Variants in CCM2L observed in about 807,000 individuals in gnomAD.
CCM2L encodes CCM2 like scaffold protein.
In CCM2L, 36 loss-of-function variants were observed where a neutral mutation model predicts 54.1. That is an observed-to-expected ratio of 0.67 (90% confidence interval 0.51 to 0.88). The LOEUF (loss-of-function observed/expected upper bound fraction) is 0.88. CCM2L is among the 40% of genes least tolerant of loss of function. The probability of loss-of-function intolerance (pLI) is 0.00; values close to 1 mark genes in which losing one functional copy is unlikely to be tolerated. For missense variants in CCM2L, 700 were observed against 812.1 expected (o/e 0.86, Z 1.68); for synonymous variants, 351 against 359.3 (o/e 0.98, Z 0.26).
At chr20:32,029,678 T>C in intron 8 of CCM2L, 22 bp from the exon 9 acceptor site, 1 of 1,584,384 alleles carries the variant, frequency 6.3e-7, no homozygotes, top group Non-Finnish European at 8.6e-7. Flanking sequence ...GGGATTGATC[T>C]CGAATGGTGT....
At chr20:32,020,682 G>A (rs1455818149) in intron 5 of CCM2L, among the ~76,000 whole-genome samples, 2 of 152,154 alleles carry the variant, frequency 1.3e-5, no homozygotes, top group Non-Finnish European at 2.9e-5. Context: ...TATCCACTCT[G>A]TCAATAAATC....
Position 32,014,900 on chromosome 20 carries a change from C to T in CCM2L, c.31-4C>T. 2.5e-6 allele frequency: 4 copies of T among 1,596,774 alleles called. No homozygotes were observed. The highest frequency in any genetic ancestry group is 2.4e-5 in the East Asian group (1 of 42,108). On this transcript the variant is annotated splice_polypyrimidine_tract_variant and splice_region_variant and intron_variant, in intron 1 of 9. Transcript: ENST00000452892. Reference sequence around the variant, plus strand: ...ATCACTCTCATTCCTCCTCTCCTCCCCAGGGCTTTGTATCCCCCATCCGAA... The same window carrying T: ...ATCACTCTCATTCCTCCTCTCCTCCTCAGGGCTTTGTATCCCCCATCCGAA...
chr20:32,023,809 G>A (rs182294906), intron 6 of CCM2L, among the ~76,000 whole-genome samples: 1 of 152,336 alleles, frequency 6.6e-6, no homozygotes, highest in African/African-American at 2.4e-5. Flanking sequence ...TCGGCTCATT[G>A]CAACCTCTGC....
intron 5 of CCM2L, 29 bp downstream of exon 5, chr20:32,019,438 G>A (rs1254198824): frequency 6.9e-7 from 1 of 1,449,752 alleles, no homozygotes; most frequent in East Asian, 2.9e-5. Context: ...TGCTCCCAAA[G>A]CCCGGCTTCG....
chr20:32,019,327 AC>A lies in CCM2L; in HGVS notation c.855del (p.Gly286AlafsTer23). 1.4e-6 allele frequency: 2 copies of A among 1,383,638 alleles called. No homozygotes were observed. Among genetic ancestry groups the A allele is most frequent in the South Asian group, 1.6e-5 (1 of 61,998 alleles). The allele number at this position is 1,383,638 out of a possible 1,614,324, so 85.7% of individuals were successfully genotyped here. A position where few individuals can be genotyped will look rare whatever the true frequency, so the allele number is the denominator to read the frequency against. On this transcript the variant is annotated frameshift_variant, in exon 5 of 10. Transcript: ENST00000452892. LOFTEE classifies it high-confidence loss of function. Reference protein sequence around the residue: ...SGGGGSWERRHPGPNPLDPQD... With the variant: ...SGGGGSWERRXPGPNPLDPQD... ...GGGGGAGGCAGCTGGGAGCGGCGCC[AC>A]CCCGGCCCCAACCCGCTCGACCCGC...
Position 32,025,568 on chromosome 20 carries a change from CT to C in CCM2L, c.1070-279del, listed in dbSNP as rs367763815. 3.3e-5 allele frequency among the ~76,000 whole-genome samples: 5 copies of C among 151,268 alleles called. No individual in the cohort carries two copies. In the East Asian group the frequency reaches 7.8e-4, roughly 23 times the overall value. ...AGGCGTGAGCCACAAATTTTTTTTTCTTTTTTTTTGTCTTGCCTGAAACACA... is the reference window on the plus strand; with the variant it reads ...AGGCGTGAGCCACAAATTTTTTTTTCTTTTTTTTGTCTTGCCTGAAACACA... On this transcript the variant is annotated intron_variant, in intron 6 of 9. Transcript: ENST00000452892.
At chr20:32,016,659 C>G (rs774191306) in intron 2 of CCM2L, among the ~76,000 whole-genome samples, 13 of 152,088 alleles carry the variant, frequency 8.5e-5, no homozygotes, top group East Asian at 3.9e-4. Flanking sequence ...CCAGCCCCCC[C>G]ACGCCCGCCA....
intron 1 of CCM2L, among the ~76,000 whole-genome samples, chr20:32,014,261 ATT>A (rs5841095): frequency 0.086 from 11,403 of 131,834 alleles, 492 homozygotes; most frequent in African/African-American, 0.14. Context: ...ATATATATAT[ATT>A]TTTTTTTTTT....
chr20:32,011,183 G>T (rs2064691905), intron 1 of CCM2L, among the ~76,000 whole-genome samples: 1 of 148,278 alleles, frequency 6.7e-6, no homozygotes, highest in Non-Finnish European at 1.5e-5. Context: ...GAATCACAGA[G>T]GGCTCAGAAG....
intron 6 of CCM2L, among the ~76,000 whole-genome samples, chr20:32,023,070 C>T (rs1375776658): frequency 1.3e-5 from 2 of 152,166 alleles, no homozygotes; most frequent in African/African-American, 4.8e-5. Flanking sequence ...TGGGTTCAAG[C>T]AATTCTCTGC....
rs200056991 is a variant in CCM2L at position 32,014,953 on chromosome 20, G to C, written c.80G>C (p.Arg27Pro). Residue 27 changes from arginine (R) to proline (P), a missense_variant, in exon 2 of 10, where the codon CGG becomes CCG. By Grantham distance (103) the Arg-to-Pro change is moderately radical. Coordinates refer to ENST00000452892, the MANE Select transcript of CCM2L (RefSeq NM_001365692.1). ...RRLVFPKAGRRAACRSSVSRR... is the reference protein window; with the variant it reads ...RRLVFPKAGRPAACRSSVSRR... ...CTGGTGTTCCCCAAGGCCGGGCGCC[G>C]GGCAGCCTGTAGGAGCAGCGTGAGC... 6.2e-7 allele frequency: 1 copy of C among 1,601,074 alleles called. No individual in the cohort carries two copies. The highest frequency in any genetic ancestry group is 1.1e-5 in the South Asian group (1 of 90,256).
intron 1 of CCM2L, 23 bp from the exon 2 acceptor site, chr20:32,014,881 C>G (rs750965937): frequency 6.3e-7 from 1 of 1,575,948 alleles, no homozygotes; most frequent in African/African-American, 1.4e-5. Flanking sequence ...TGTTATCACT[C>G]TCATTCCTCC....
intron 6 of CCM2L, among the ~76,000 whole-genome samples, 196 bp from the exon 7 acceptor site, chr20:32,025,660 T>TG (rs1304999330): frequency 6.6e-6 from 1 of 151,808 alleles, no homozygotes; most frequent in African/African-American, 2.4e-5. Context: ...ATGAGGTAGG[T>TG]GGGGGGTGGT....
chr20:32,019,183 G>A lies in CCM2L; in HGVS notation c.707G>A (p.Ser236Asn), dbSNP rs1163460066. ...RQRAGARASG[S>N]WERRQTFSGS... ...CGCGCCGGGGCGCGGGCGTCGGGCA[G>A]CTGGGAGCGACGGCAGACGTTCAGC... is the stretch of plus-strand genomic sequence containing the variant. The change falls in exon 5 of 10, where the codon AGC becomes AAC. Residue 236 changes from serine to asparagine, a missense_variant. Transcript: ENST00000452892. 2 of 1,131,076 alleles carry A rather than the reference G, an allele frequency of 1.8e-6. No individual in the cohort carries two copies. The highest frequency in any genetic ancestry group is 4.7e-5 in the Admixed American group (1 of 21,504). 70.1% of individuals were successfully genotyped at this position (1,131,076 alleles called of 1,614,324 possible). A position where few individuals can be genotyped will look rare whatever the true frequency, so the allele number is the denominator to read the frequency against.
Position 32,026,208 on chromosome 20 carries a change from A to G in CCM2L, c.1133+289A>G, listed in dbSNP as rs891716794. On this transcript the variant is annotated intron_variant, in intron 7 of 9. Transcript: ENST00000452892. Reference sequence around the variant, plus strand: ...AAACCAAAATCATAGCTACATGCCAAAAAAATTATCTTGGCTTAATTTTGG... The same window carrying G: ...AAACCAAAATCATAGCTACATGCCAGAAAAATTATCTTGGCTTAATTTTGG... 2.0e-5 allele frequency among the ~76,000 whole-genome samples: 3 copies of G among 152,246 alleles called. No individual in the cohort carries two copies. The East Asian group carries it at 5.8e-4, about 29-fold the overall frequency.
At chr20:32,014,130 T>C (rs1370768904) in intron 1 of CCM2L, among the ~76,000 whole-genome samples, 4 of 151,734 alleles carry the variant, frequency 2.6e-5, no homozygotes, top group Non-Finnish European at 5.9e-5. Context: ...TTATAACTTT[T>C]AGGAAAGCAC....
intron 1 of CCM2L, among the ~76,000 whole-genome samples, chr20:32,012,026 C>T (rs2064699714): frequency 6.6e-6 from 1 of 151,990 alleles, no homozygotes; most frequent in African/African-American, 2.4e-5. Context: ...GGCTCACCCT[C>T]ATCCAGCCTT....
chr20:32,020,311 C>T (rs914119342), intron 5 of CCM2L, among the ~76,000 whole-genome samples: 2 of 152,204 alleles, frequency 1.3e-5, no homozygotes, highest in East Asian at 1.9e-4. Context: ...CTGTCTCTCT[C>T]CCCTTGAAAC....
At chr20:32,014,047 C>T (rs1476232162) in intron 1 of CCM2L, among the ~76,000 whole-genome samples, 2 of 152,080 alleles carry the variant, frequency 1.3e-5, no homozygotes, top group Non-Finnish European at 1.5e-5. Context: ...CCAGAATTTA[C>T]ACCTTTAACC....
Sources: allele counts gnomAD v4.1 joint callset (sites outside exome capture counted in the v4.1 genomes callset), GRCh38; gene constraint gnomAD v4.1.1; transcripts MANE v1.5; gene names NCBI Gene and HGNC (gene_info 2026-07-23, HGNC 2026-07-21).